Variants in SIGLEC5 observed in about 807,000 individuals in gnomAD.
SIGLEC5 encodes sialic acid binding Ig like lectin 5.
SIGLEC5 carries 34 observed loss-of-function variants against 45.9 expected under a neutral mutation model. The observed-to-expected ratio is 0.74, with a 90% CI of 0.56 to 0.99. The LOEUF is 0.99. Among genes scored for constraint, SIGLEC5 ranks in the 50% least tolerant of loss-of-function variants. The probability of loss-of-function intolerance (pLI) is 0.00; values close to 1 mark genes in which losing one functional copy is unlikely to be tolerated. For synonymous variants in SIGLEC5, 203 were observed against 258.6 expected (o/e 0.79, Z 2.06); for missense variants, 508 against 629.6 (o/e 0.81, Z 2.07).
At chr19:51,614,094 C>T (rs532335401) in intron 8 of SIGLEC5, among the ~76,000 whole-genome samples, 5 of 152,280 alleles carry the variant, frequency 3.3e-5, no homozygotes, top group African/African-American at 1.2e-4. Flanking sequence ...TATCCCTACC[C>T]ATCACGCTAT....
intron 8 of SIGLEC5, among the ~76,000 whole-genome samples, chr19:51,614,315 T>C (rs1982970135): frequency 6.6e-6 from 1 of 152,132 alleles, no homozygotes; most frequent in Non-Finnish European, 1.5e-5. Flanking sequence ...AGCTAATTTT[T>C]GTAAAGACAG....
rs1261665139 is a variant in SIGLEC5 at position 51,627,584 on chromosome 19, G to A, written c.1160C>T (p.Ser387Leu). The change falls in exon 6 of 9, where the codon TCA becomes TTA. Residue 387 changes from serine to leucine, a missense_variant. By Grantham distance (145) the Ser-to-Leu change is moderately radical. Transcript: ENST00000683636. The stretch of plus-strand genomic sequence containing the variant: ...GGAGCTGTTGGCCCAGGGCCCAGCT[G>A]AGCTGGAGTTGACCTTGAATGAGCC... ...SQGSFKVNSSSAGPWANSSLI... is the reference protein window; with the variant it reads ...SQGSFKVNSSLAGPWANSSLI... 2 of 1,613,904 alleles carry A rather than the reference G, an allele frequency of 1.2e-6. No individual in the cohort carries two copies. The highest frequency in any genetic ancestry group is 1.7e-6 in the Non-Finnish European group (2 of 1,180,038).
intron 8 of SIGLEC5, among the ~76,000 whole-genome samples, 150 bp downstream of exon 8, chr19:51,625,877 ATAATG>A: frequency 6.6e-6 from 1 of 152,292 alleles, no homozygotes. Context: ...TGAATGGGAC[ATAATG>A]ATTTCCTGGC....
Position 51,628,895 on chromosome 19 carries a change from C to T in SIGLEC5, c.739+143G>A, listed in dbSNP as rs1983617698. The T allele has an allele frequency of 5.1e-6, 4 of 788,790 alleles. No individual in the cohort carries two copies. In the African/African-American group the frequency reaches 5.2e-5, roughly 10 times the overall value. 48.9% of individuals were successfully genotyped at this position (788,790 alleles called of 1,614,324 possible). A position where few individuals can be genotyped will look rare whatever the true frequency, so the allele number is the denominator to read the frequency against. ...TGTGCATATGTGCCTGCACATGGGG[C>T]TCACAGAAGGTGGAAGCCAGAAGGC... On this transcript the variant is annotated intron_variant, in intron 4 of 8. Transcript: ENST00000683636.
rs1555787496 is a variant in SIGLEC5 at position 51,612,088 on chromosome 19, C to CCAT, written c.*140_*142dup. 7.9e-5 allele frequency: 2 copies of CCAT among 25,320 alleles called. No homozygotes were observed. The highest frequency in any genetic ancestry group is 1.6e-4 in the Non-Finnish European group (2 of 12,694). 1.6% of individuals were successfully genotyped at this position (25,320 alleles called of 1,614,324 possible). A position where few individuals can be genotyped will look rare whatever the true frequency, so the allele number is the denominator to read the frequency against. Reference sequence around the variant, plus strand: ...TAGATTTGAGCCCACCTCTCTAATTCCATCTGCTTGGAGCACTTAAACATC... The same window carrying CCAT: ...TAGATTTGAGCCCACCTCTCTAATTCCATCATCTGCTTGGAGCACTTAAACATC... On this transcript the variant is annotated 3_prime_UTR_variant, in exon 9 of 9. Coordinates refer to ENST00000683636, the MANE Select transcript of SIGLEC5 (RefSeq NM_003830.4).
At chr19:51,628,184 C>T in intron 4 of SIGLEC5, 93 bp from the exon 5 acceptor site, 1 of 1,355,636 alleles carries the variant, frequency 7.4e-7, no homozygotes, top group South Asian at 1.6e-5. Flanking sequence ...GATGACATCT[C>T]CCTCTCCTCC....
chr19:51,628,353 C>T (rs1983584175), intron 4 of SIGLEC5, among the ~76,000 whole-genome samples: 2 of 152,244 alleles, frequency 1.3e-5, no homozygotes, highest in Admixed American at 1.3e-4. Flanking sequence ...AGAGAGCCCC[C>T]GGTGGCGTTG....
At chr19:51,629,153 G>A in intron 3 of SIGLEC5, 77 bp from the exon 4 acceptor site, 2 of 1,560,462 alleles carry the variant, frequency 1.3e-6, no homozygotes, top group Non-Finnish European at 1.8e-6. Context: ...ACCCAAAGAG[G>A]AGCCACAGAA....
chr19:51,612,206 C>T lies in SIGLEC5; in HGVS notation c.*25G>A. 3.2e-6 allele frequency: 5 copies of T among 1,559,526 alleles called. No homozygotes were observed. The highest frequency in any genetic ancestry group is 4.4e-6 in the Non-Finnish European group (5 of 1,148,442). ...CCCAGACAGGCTGTGGCTCCTCCAG[C>T]CAGGACTGAACTCTGGGCAAATCCT... On this transcript the variant is annotated 3_prime_UTR_variant, in exon 9 of 9. Transcript: ENST00000683636.
At position 51,627,974 on chromosome 19, in the gene SIGLEC5, G is replaced by T; in HGVS notation, c.857C>A (p.Pro286His). The T allele has an allele frequency of 6.2e-7, 1 of 1,613,768 alleles. No homozygotes were observed. The highest frequency in any genetic ancestry group is 8.5e-7 in the Non-Finnish European group (1 of 1,179,842). The change falls in exon 5 of 9, where the codon CCT becomes CAT. Residue 286 changes from proline to histidine, a missense_variant. Pro to His is a moderately conservative substitution (Grantham distance 77). Around this residue, in one of 2 missense-constraint regions of SIGLEC5, gnomAD observed 431 missense variants for 428.8 expected, o/e 1.01. Transcript: ENST00000683636. ...GGAGATGGGGGTGGCGTTCAGGGCA[G>T]GGGAGCCCTGGAACCAGCTCAGGTG... The part of the protein sequence containing the change: ...PAHLSWFQGS[P>H]ALNATPISNT...
intron 4 of SIGLEC5, among the ~76,000 whole-genome samples, chr19:51,628,316 A>C (rs1983583251): frequency 6.6e-6 from 1 of 152,186 alleles, no homozygotes; most frequent in African/African-American, 2.4e-5. Flanking sequence ...TCACTGGTAC[A>C]TGCCTGGACT....
Position 51,627,814 on chromosome 19 carries a change from C to A in SIGLEC5, c.997+20G>T. 1.3e-6 allele frequency: 2 copies of A among 1,584,930 alleles called. No homozygotes were observed. On this transcript the variant is annotated intron_variant, in intron 5 of 8. Transcript: ENST00000683636. Reference sequence around the variant, plus strand: ...TCTTTAATACCATGCAGTTCCTGCTCCAGCTGCCCCCACACTCACAGTAAA... The same window carrying A: ...TCTTTAATACCATGCAGTTCCTGCTACAGCTGCCCCCACACTCACAGTAAA...
Position 51,627,670 on chromosome 19 carries a change from C to T in SIGLEC5, c.1074G>A (p.Arg358=), listed in dbSNP as rs762562024. The change falls in exon 6 of 9, where the codon CGG becomes CGA. Residue 358 remains arginine (R), a synonymous_variant. Coordinates refer to ENST00000683636, the MANE Select transcript of SIGLEC5 (RefSeq NM_003830.4). ...GCCGCCAGCACAGGGAGGGGGCCGG[C>T]CGGGCTCGAAAGGAGCATCTGCAGT... is the stretch of plus-strand genomic sequence containing the variant. ...GLHCRCSFRA[R]PAPSLCWRLE... 7 of 1,610,564 alleles carry T rather than the reference C, an allele frequency of 4.3e-6. No homozygotes were observed. The South Asian group carries it at 4.4e-5, about 10-fold the overall frequency.
rs368250712 is a variant in SIGLEC5, at chr19:51,625,327, A to G, written c.1464+705T>C. 2.2e-4 allele frequency among the ~76,000 whole-genome samples: 33 copies of G among 152,348 alleles called. No individual in the cohort carries two copies. In the South Asian group the frequency reaches 6.2e-3, roughly 29 times the overall value. On this transcript the variant is annotated intron_variant, in intron 8 of 8. Transcript: ENST00000683636. ...GTGGCCACCTGGTGTGGGGCAAGGA[A>G]CATGGGCCTGATTCTCTAAGCAACA...
rs1600097027 is a variant in SIGLEC5, at chr19:51,612,088, C to CTAT, written c.*142_*143insATA. ...TAGATTTGAGCCCACCTCTCTAATTCCATCTGCTTGGAGCACTTAAACATC... is the reference window on the plus strand; with the variant it reads ...TAGATTTGAGCCCACCTCTCTAATTCTATCATCTGCTTGGAGCACTTAAACATC... On this transcript the variant is annotated 3_prime_UTR_variant, in exon 9 of 9. Coordinates refer to ENST00000683636, the MANE Select transcript of SIGLEC5 (RefSeq NM_003830.4). 175 of 25,322 alleles carry CTAT rather than the reference C, an allele frequency of 6.9e-3. 1 individual carries two copies. The highest frequency in any genetic ancestry group is 0.029 in the East Asian group (174 of 6,006). The allele number at this position is 25,322 out of a possible 1,614,324, so 1.6% of individuals were successfully genotyped here. A position where few individuals can be genotyped will look rare whatever the true frequency, so the allele number is the denominator to read the frequency against.
chr19:51,628,698 T>C (rs1335903745), intron 4 of SIGLEC5, among the ~76,000 whole-genome samples: 4 of 149,260 alleles, frequency 2.7e-5, no homozygotes, highest in Non-Finnish European at 1.5e-5. Flanking sequence ...CTGTGTGGTG[T>C]ATGTGTGTGT....
chr19:51,628,929 T>C, intron 4 of SIGLEC5, 109 bp downstream of exon 4: 1 of 1,115,116 alleles, frequency 9.0e-7, no homozygotes, highest in Non-Finnish European at 1.3e-6. Flanking sequence ...GCAGTAATTC[T>C]CATTCTTGCT....
Position 51,627,842 on chromosome 19 carries a change from G to C in SIGLEC5, c.989C>G (p.Ser330Ter). 6.2e-7 allele frequency: 1 copy of C among 1,603,958 alleles called. No homozygotes were observed. The highest frequency in any genetic ancestry group is 1.1e-5 in the South Asian group (1 of 89,488). Reference protein sequence around the residue: ...LGFLQIFLNLSVYSLPQLLGP... With the variant: ...LGFLQIFLNL ...GCTGCCCCCACACTCACAGTAAACT[G>C]AGAGATTCAGAAAAATTTGCAGGAA... Residue 330 changes from serine (S) to a stop codon, truncating the protein, a stop_gained, in exon 5 of 9, where the codon TCA becomes TGA. Coordinates refer to ENST00000683636, the MANE Select transcript of SIGLEC5 (RefSeq NM_003830.4). LOFTEE classifies it high-confidence loss of function.
Position 51,612,171 on chromosome 19 carries a change from T to G in SIGLEC5, c.*60A>C. ...GTGCTTCAGCAAGTGGTCCCTGACT[T>G]GTCCTTTCCCCCAGACAGGCTGTGG... On this transcript the variant is annotated 3_prime_UTR_variant, in exon 9 of 9. Transcript: ENST00000683636. 7.1e-7 allele frequency: 1 copy of G among 1,411,310 alleles called. No homozygotes were observed. The highest frequency in any genetic ancestry group is 9.6e-7 in the Non-Finnish European group (1 of 1,042,206). The allele number at this position is 1,411,310 out of a possible 1,614,324, so 87.4% of individuals were successfully genotyped here. A position where few individuals can be genotyped will look rare whatever the true frequency, so the allele number is the denominator to read the frequency against.
Sources: gnomAD v4.1 joint callset for allele counts (sites outside exome capture counted in the v4.1 genomes callset) on GRCh38, gnomAD v4.1.1 for gene constraint, gnomAD v4.1.1 regional missense constraint, MANE v1.5 for transcripts, NCBI Gene and HGNC (gene_info 2026-07-23, HGNC 2026-07-21) for gene names.